Variants in PDE11A observed in about 807,000 individuals in gnomAD.
PDE11A encodes dual 3',5'-cyclic-AMP and -GMP phosphodiesterase 11A.
Under a neutral mutation model 100.5 loss-of-function variants are expected in PDE11A, and 100 were observed. That is an observed-to-expected ratio of 1.00 (90% CI 0.85 to 1.18). PDE11A has a LOEUF of 1.18. Among genes scored for constraint, PDE11A ranks in the 50% most tolerant of loss-of-function variants. The probability of loss-of-function intolerance (pLI) is 0.00; values close to 1 mark genes in which losing one functional copy is unlikely to be tolerated. For missense variants in PDE11A, 1,141 were observed against 1,152.6 expected (o/e 0.99, Z 0.15); for synonymous variants, 381 against 420.8 (o/e 0.91, Z 1.16).
At chr2:177,919,998 C>T (rs114920783) in intron 2 of PDE11A, among the ~76,000 whole-genome samples, 2 of 152,010 alleles carry the variant, frequency 1.3e-5, no homozygotes, top group Admixed American at 6.5e-5. Flanking sequence ...ATGGTTTCAT[C>T]AATAAATCGT....
Position 177,887,520 on chromosome 2 carries a change from T to C in PDE11A, c.1302+10538A>G, listed in dbSNP as rs138258419. 8.2e-3 allele frequency among the ~76,000 whole-genome samples: 1,254 copies of C among 152,214 alleles called. 19 individuals are homozygous for C. The highest frequency in any genetic ancestry group is 0.028 in the African/African-American group (1,172 of 41,544). On this transcript the variant is annotated intron_variant, in intron 4 of 19. Transcript: ENST00000286063. ...GGCTCATGCTTGTAATCCCAACACTTTGGGAGGCCAAAGTGGAAGGATTGC... is the reference window on the plus strand; with the variant it reads ...GGCTCATGCTTGTAATCCCAACACTCTGGGAGGCCAAAGTGGAAGGATTGC...
At position 177,890,778 on chromosome 2, in the gene PDE11A, G is replaced by A. The variant is rs115630944; in HGVS notation, c.1302+7280C>T. Among the ~76,000 whole-genome samples, 676 of 152,164 alleles carry A rather than the reference G, an allele frequency of 4.4e-3. 3 individuals are homozygous for A. The highest frequency in any genetic ancestry group is 0.016 in the African/African-American group (654 of 41,510). On this transcript the variant is annotated intron_variant, in intron 4 of 19. Transcript: ENST00000286063. ...ACTCATGACTCCTTCTGGAAGAGAA[G>A]ATACAAGAAAATATGACTCAAAAGG...
intron 2 of PDE11A, among the ~76,000 whole-genome samples, chr2:178,009,890 T>C (rs1310094844): frequency 6.6e-6 from 1 of 152,232 alleles, no homozygotes; most frequent in Non-Finnish European, 1.5e-5. Context: ...GATGTTGACA[T>C]TTTAAGATAT....
intron 9 of PDE11A, among the ~76,000 whole-genome samples, chr2:177,815,160 T>G (rs1247729021): frequency 6.6e-6 from 1 of 152,180 alleles, no homozygotes; most frequent in Non-Finnish European, 1.5e-5. Flanking sequence ...GAAGGAGGCA[T>G]AACTCAACAT....
chr2:177,847,896 C>T (rs528904111), intron 5 of PDE11A, among the ~76,000 whole-genome samples: 12 of 152,150 alleles, frequency 7.9e-5, no homozygotes, highest in Admixed American at 2.0e-4. Context: ...TCACATTAGA[C>T]GAGTACTCAT....
At chr2:177,732,892 G>A (rs2081714407) in intron 10 of PDE11A, among the ~76,000 whole-genome samples, 1 of 152,142 alleles carries the variant, frequency 6.6e-6, no homozygotes, top group South Asian at 2.1e-4. Flanking sequence ...ACCATTTTCA[G>A]CTATTTTGAG....
At chr2:177,659,280 A>AAG (rs1384471720) in intron 19 of PDE11A, among the ~76,000 whole-genome samples, 1 of 151,686 alleles carries the variant, frequency 6.6e-6, no homozygotes, top group Non-Finnish European at 1.5e-5. Context: ...AAAAAAAAAA[A>AAG]AAAAAAAAGT....
At chr2:177,682,891 C>T (rs1021740718) in intron 15 of PDE11A, among the ~76,000 whole-genome samples, 9 of 151,176 alleles carry the variant, frequency 6.0e-5, no homozygotes, top group African/African-American at 2.0e-4. Flanking sequence ...TCAAAAACTA[C>T]ACTTTGGAAA....
intron 15 of PDE11A, among the ~76,000 whole-genome samples, chr2:177,688,704 A>G (rs1352493013): frequency 1.3e-5 from 2 of 152,244 alleles, no homozygotes; most frequent in Non-Finnish European, 2.9e-5. Flanking sequence ...TTAGGCTTTC[A>G]TCCTGCTCGC....
At chr2:177,763,797 G>C (rs1329749390) in intron 10 of PDE11A, among the ~76,000 whole-genome samples, 1 of 152,222 alleles carries the variant, frequency 6.6e-6, no homozygotes, top group Non-Finnish European at 1.5e-5. Context: ...TTCGGAAATT[G>C]ATTGCACAGG....
chr2:177,990,050 T>TA (rs1334181711), intron 2 of PDE11A, among the ~76,000 whole-genome samples: 2 of 152,138 alleles, frequency 1.3e-5, no homozygotes, highest in African/African-American at 4.8e-5. Context: ...CACCACTCAC[T>TA]ACAGTTTCAG....
At chr2:178,059,504 G>A (rs2086940959) in intron 1 of PDE11A, among the ~76,000 whole-genome samples, 1 of 152,214 alleles carries the variant, frequency 6.6e-6, no homozygotes. Flanking sequence ...GGGAAGGGGA[G>A]ATTGACTTCC....
chr2:177,982,712 A>G (rs2085897618), intron 2 of PDE11A, among the ~76,000 whole-genome samples: 1 of 150,854 alleles, frequency 6.6e-6, no homozygotes, highest in East Asian at 1.9e-4. Flanking sequence ...CCTTCTAAAA[A>G]CTGCTAGCAA....
intron 9 of PDE11A, among the ~76,000 whole-genome samples, chr2:177,812,826 T>G (rs2365897): frequency 0.41 from 61,797 of 152,078 alleles, 14,399 homozygotes; most frequent in African/African-American, 0.64. Flanking sequence ...AAAGGAGAAA[T>G]TCCTAAGAGA....
At chr2:177,719,229 C>T (rs1160362680) in intron 12 of PDE11A, among the ~76,000 whole-genome samples, 12 of 152,134 alleles carry the variant, frequency 7.9e-5, no homozygotes, top group Admixed American at 3.9e-4. Context: ...ACCCAACTAT[C>T]GGAAGTATTG....
rs547943873 is a variant in PDE11A at position 177,907,687 on chromosome 2, A to T, written c.1072-2500T>A. On this transcript the variant is annotated intron_variant, in intron 2 of 19. Coordinates refer to ENST00000286063, the MANE Select transcript of PDE11A (RefSeq NM_016953.4). Reference sequence around the variant, plus strand: ...CAATGAACAGCCTTGGAAGATAGAGATACTGTCTCCTTTCAGAGCAAAGAA... The same window carrying T: ...CAATGAACAGCCTTGGAAGATAGAGTTACTGTCTCCTTTCAGAGCAAAGAA... 4.6e-5 allele frequency among the ~76,000 whole-genome samples: 7 copies of T among 152,284 alleles called. No individual in the cohort carries two copies. In the South Asian group the frequency reaches 1.5e-3, roughly 32 times the overall value.
At chr2:177,875,741 G>T in intron 5 of PDE11A, 118 bp downstream of exon 5, 1 of 745,540 alleles carries the variant, frequency 1.3e-6, no homozygotes, top group Non-Finnish European at 2.4e-6. Flanking sequence ...GAAGAGTCAC[G>T]ATATTTGGTT....
At chr2:177,790,294 T>C (rs1574145002) in intron 9 of PDE11A, among the ~76,000 whole-genome samples, 1 of 151,404 alleles carries the variant, frequency 6.6e-6, no homozygotes, top group Non-Finnish European at 1.5e-5. Context: ...GGGGAAAGGA[T>C]TCCCTATTTA....
chr2:177,836,406 G>A (rs112262336), intron 6 of PDE11A, among the ~76,000 whole-genome samples: 14,699 of 152,236 alleles, frequency 0.097, 740 homozygotes, highest in Middle Eastern at 0.15. Flanking sequence ...TCATTGCTGT[G>A]TCTAGCTAAT....
Sources: allele counts gnomAD v4.1 joint callset (sites outside exome capture counted in the v4.1 genomes callset), GRCh38; gene constraint gnomAD v4.1.1; transcripts MANE v1.5; gene names NCBI Gene and HGNC (gene_info 2026-07-23, HGNC 2026-07-21).